The following LMNTD1 variants were observed in gnomAD, a reference collection of about 807,000 sequenced individuals.
LMNTD1 encodes the protein lamin tail domain-containing protein 1.
A neutral mutation model predicts 50.9 loss-of-function variants in LMNTD1; 35 were observed. The ratio of observed to expected loss-of-function variants is 0.69; its 90% confidence interval spans 0.53 to 0.91. LMNTD1 has a LOEUF of 0.91. Ranked by LOEUF, LMNTD1 falls within the 40% of genes least tolerant of loss-of-function variation. The probability of loss-of-function intolerance (pLI) is 0.00; values close to 1 mark genes in which losing one functional copy is unlikely to be tolerated. For missense variants in LMNTD1, 470 were observed against 475.5 expected (o/e 0.99, Z 0.11); for synonymous variants, 153 against 161.9 (o/e 0.94, Z 0.42).
chr12:25,476,690 A>G (rs936078965), intron 9 of LMNTD1, among the ~76,000 whole-genome samples: 11 of 152,302 alleles, frequency 7.2e-5, no homozygotes, highest in African/African-American at 2.6e-4. Context: ...AGAGCTCTAG[A>G]CTAAAGGATT....
chr12:25,636,092 A>G (rs1315575831), intron 1 of LMNTD1, among the ~76,000 whole-genome samples: 3 of 152,218 alleles, frequency 2.0e-5, no homozygotes, highest in Non-Finnish European at 4.4e-5. Context: ...TTTATGACCA[A>G]GAACCCAAAA....
At chr12:25,647,205 C>G (rs1947091571) in intron 1 of LMNTD1, among the ~76,000 whole-genome samples, 2 of 152,156 alleles carry the variant, frequency 1.3e-5, no homozygotes, top group South Asian at 4.1e-4. Context: ...GATAAAATTT[C>G]TACAATCTGG....
chr12:25,567,862 T>C (rs893925036), intron 1 of LMNTD1, among the ~76,000 whole-genome samples: 2 of 136,542 alleles, frequency 1.5e-5, no homozygotes, highest in African/African-American at 2.8e-5. Context: ...CTACCCAGTC[T>C]TAAGTATTTC....
intron 1 of LMNTD1, among the ~76,000 whole-genome samples, chr12:25,599,778 G>T (rs968752368): frequency 6.6e-6 from 1 of 151,618 alleles, no homozygotes; most frequent in Non-Finnish European, 1.5e-5. Flanking sequence ...ACTATGAAAC[G>T]CTGACGAAAG....
intron 4 of LMNTD1, among the ~76,000 whole-genome samples, chr12:25,539,009 A>G: frequency 6.6e-6 from 1 of 151,500 alleles, no homozygotes; most frequent in East Asian, 1.9e-4. Flanking sequence ...GGATCAATTC[A>G]ACAAGAAGAG....
intron 1 of LMNTD1, among the ~76,000 whole-genome samples, chr12:25,636,801 G>A (rs1046783624): frequency 6.6e-6 from 1 of 152,124 alleles, no homozygotes; most frequent in East Asian, 1.9e-4. Context: ...ATACTACTAA[G>A]CCATAAAAAG....
chr12:25,560,013 G>A (rs1185112349), intron 1 of LMNTD1, among the ~76,000 whole-genome samples: 1 of 152,204 alleles, frequency 6.6e-6, no homozygotes, highest in Non-Finnish European at 1.5e-5. Flanking sequence ...TCTGATGGTA[G>A]TTTCTTTTGC....
At position 25,509,776 on chromosome 12, in the gene LMNTD1, C is replaced by A. The variant is rs192432124; in HGVS notation, c.1190-5976G>T. On this transcript the variant is annotated intron_variant, in intron 8 of 9. Transcript: ENST00000458174. ...GACACAGACACACAGGAAGTTAAGGCCATATGAAGACAGAGGCAGAAATTA... is the reference window on the plus strand; with the variant it reads ...GACACAGACACACAGGAAGTTAAGGACATATGAAGACAGAGGCAGAAATTA... Among the ~76,000 whole-genome samples the A allele has an allele frequency of 1.4e-4, 22 of 152,192 alleles. 1 individual carries two copies. The East Asian group carries it at 4.1e-3, about 28-fold the overall frequency.
At chr12:25,490,125 G>A (rs972261905) in intron 9 of LMNTD1, among the ~76,000 whole-genome samples, 1 of 152,164 alleles carries the variant, frequency 6.6e-6, no homozygotes, top group Non-Finnish European at 1.5e-5. Context: ...GTATTCTTCT[G>A]TAACACTATC....
Position 25,546,444 on chromosome 12 carries a change from A to G in LMNTD1, c.421T>C (p.Ser141Pro). The change falls in exon 4 of 10, where the codon TCA becomes CCA. Residue 141 changes from serine to proline, a missense_variant. Transcript: ENST00000458174. ...FGDSKKLTAH[S>P]NYTQKTLKYF... Reference sequence around the variant, plus strand: ...TTTAAAGTTTTCTGAGTGTAGTTTGAGTGTGCTGTAAGTTTCTTTGAATCA... The same window carrying G: ...TTTAAAGTTTTCTGAGTGTAGTTTGGGTGTGCTGTAAGTTTCTTTGAATCA... The G allele has an allele frequency of 6.2e-7, 1 of 1,601,174 alleles. No homozygotes were observed. Among genetic ancestry groups the G allele is most frequent in the Non-Finnish European group, 8.5e-7 (1 of 1,172,522 alleles).
At chr12:25,508,888 T>A (rs1013021929) in intron 8 of LMNTD1, among the ~76,000 whole-genome samples, 6 of 146,154 alleles carry the variant, frequency 4.1e-5, no homozygotes, top group African/African-American at 1.3e-4. Context: ...TTTCTAGTCC[T>A]AATATTCTAA....
chr12:25,525,692 A>G (rs1281805757), intron 6 of LMNTD1, among the ~76,000 whole-genome samples: 2 of 152,122 alleles, frequency 1.3e-5, no homozygotes, highest in Non-Finnish European at 2.9e-5. Context: ...AGCTTTAAGG[A>G]TAAAAAAAAA....
intron 9 of LMNTD1, among the ~76,000 whole-genome samples, chr12:25,485,032 C>G (rs1353265881): frequency 2.4e-4 from 36 of 151,966 alleles, no homozygotes; most frequent in South Asian, 4.2e-4. Flanking sequence ...TAATGGGATG[C>G]CTGGGTCAAA....
intron 1 of LMNTD1, among the ~76,000 whole-genome samples, chr12:25,642,677 A>C (rs1946980029): frequency 6.6e-6 from 1 of 152,268 alleles, no homozygotes; most frequent in Non-Finnish European, 1.5e-5. Flanking sequence ...AAAAATATTT[A>C]AACTTGTTCA....
chr12:25,534,831 T>C (rs1390166932), intron 4 of LMNTD1, among the ~76,000 whole-genome samples: 1 of 152,176 alleles, frequency 6.6e-6, no homozygotes, highest in African/African-American at 2.4e-5. Context: ...AGTGAAGACA[T>C]TGATTTGTTT....
At chr12:25,545,974 C>T (rs1321588056) in intron 4 of LMNTD1, among the ~76,000 whole-genome samples, 1 of 151,532 alleles carries the variant, frequency 6.6e-6, no homozygotes, top group Non-Finnish European at 1.5e-5. Flanking sequence ...TGCATAGATA[C>T]TAACAGTCAT....
At chr12:25,560,074 T>C (rs1444391618) in intron 1 of LMNTD1, among the ~76,000 whole-genome samples, 2 of 152,236 alleles carry the variant, frequency 1.3e-5, no homozygotes, top group Non-Finnish European at 2.9e-5. Context: ...ATTTTGGCTT[T>C]TGTTGCCATT....
chr12:25,587,835 G>A (rs1224776353), intron 1 of LMNTD1, among the ~76,000 whole-genome samples: 3 of 152,084 alleles, frequency 2.0e-5, no homozygotes, highest in East Asian at 3.8e-4. Context: ...AAATTCAGAG[G>A]GTATTTTAGG....
upstream of LMNTD1, among the ~76,000 whole-genome samples, chr12:25,554,258 C>T (rs1157787490): frequency 6.6e-6 from 1 of 152,192 alleles, no homozygotes; most frequent in African/African-American, 2.4e-5. Context: ...CTACCTGTAC[C>T]AGTCTGGATG....
Sources: gnomAD v4.1 joint callset for allele counts (sites outside exome capture counted in the v4.1 genomes callset) on GRCh38, gnomAD v4.1.1 for gene constraint, MANE v1.5 for transcripts, NCBI Gene and HGNC (gene_info 2026-07-23, HGNC 2026-07-21) for gene names.